ANK3: variants seen among roughly 807,000 people sequenced by gnomAD.
ANK3 encodes the protein ankyrin 3.
A neutral mutation model predicts 370.9 loss-of-function variants in ANK3; 57 were observed. That is an observed-to-expected ratio of 0.15 (90% CI 0.12 to 0.19). ANK3 has a LOEUF of 0.19. ANK3 is among the 10% of genes least tolerant of loss of function. The pLI is 1.00. For synonymous variants in ANK3, 1,929 were observed against 1,946.3 expected, an observed-to-expected ratio of 0.99 and a Z score of 0.23; for missense variants, 4,439 against 5,302.1, an observed-to-expected ratio of 0.84 and a Z score of 5.06.
rs115540226 is a variant in ANK3, at chr10:60,701,302, T to C, written c.57+31961A>G. Among the ~76,000 whole-genome samples, 443 of 152,008 alleles carry C rather than the reference T, an allele frequency of 2.9e-3. 3 individuals are homozygous for C. Among genetic ancestry groups the C allele is most frequent in the African/African-American group, 0.01 (421 of 41,484 alleles). Reference sequence around the variant, plus strand: ...ATATGTGGTCGAGAATATAAAACAGTACAGTCTCAATGAAAGGGAATTTGG... The same window carrying C: ...ATATGTGGTCGAGAATATAAAACAGCACAGTCTCAATGAAAGGGAATTTGG... On this transcript the variant is annotated intron_variant, in intron 1 of 43. Transcript: ENST00000373827.
chr10:60,226,537 C>A (rs1356897087), intron 8 of ANK3, among the ~76,000 whole-genome samples: 1 of 44,878 alleles, frequency 2.2e-5, no homozygotes, highest in Non-Finnish European at 3.6e-5. Context: ...AGTATATATA[C>A]ATAGTATATA....
intron 18 of ANK3, among the ~76,000 whole-genome samples, chr10:60,177,441 T>C (rs1031543390): frequency 6.6e-6 from 1 of 152,124 alleles, no homozygotes. Flanking sequence ...AGGAAACTCA[T>C]AGTCCTCTTT....
chr10:60,267,316 G>T (rs1350582114), intron 5 of ANK3, among the ~76,000 whole-genome samples: 1 of 152,164 alleles, frequency 6.6e-6, no homozygotes, highest in East Asian at 1.9e-4. Flanking sequence ...ATTTCCTGTT[G>T]TTGTTCTTAT....
At chr10:60,583,265 G>T (rs1031960730) in intron 2 of ANK3, among the ~76,000 whole-genome samples, 1 of 152,120 alleles carries the variant, frequency 6.6e-6, no homozygotes, top group Non-Finnish European at 1.5e-5. Flanking sequence ...CACAGAAAGA[G>T]AAATACTATG....
At chr10:60,704,523 A>AG (rs2133421770) in intron 1 of ANK3, among the ~76,000 whole-genome samples, 1 of 152,080 alleles carries the variant, frequency 6.6e-6, no homozygotes, top group South Asian at 2.1e-4. Context: ...GAAAACTCAG[A>AG]GAAAAAAAAA....
intron 17 of ANK3, 90 bp from the exon 18 acceptor site, chr10:60,181,517 T>C (rs16914582): frequency 4.9e-6 from 6 of 1,231,518 alleles, no homozygotes; most frequent in Non-Finnish European, 5.9e-6. Context: ...AATTCTAAGA[T>C]GGTAAGCCGA....
At chr10:60,371,024 T>C (rs550098007) in intron 1 of ANK3, among the ~76,000 whole-genome samples, 94 of 152,282 alleles carry the variant, frequency 6.2e-4, no homozygotes, top group African/African-American at 2.2e-3. Context: ...ATGACATCAC[T>C]GACAGGTTCT....
chr10:60,716,859 A>G (rs959765942), intron 1 of ANK3, among the ~76,000 whole-genome samples: 3 of 152,160 alleles, frequency 2.0e-5, no homozygotes, highest in Admixed American at 1.3e-4. Flanking sequence ...GGAGATTTCC[A>G]TATTCAATCT....
intron 7 of ANK3, among the ~76,000 whole-genome samples, chr10:60,256,563 T>C (rs374406063): frequency 6.6e-6 from 1 of 152,188 alleles, no homozygotes. Context: ...CACTGAAGTT[T>C]GGTGTACGAA....
intron 40 of ANK3, chr10:60,060,560 T>C (rs538691821): frequency 7.9e-5 from 12 of 152,334 alleles, no homozygotes; most frequent in Middle Eastern, 3.4e-3. Flanking sequence ...AAAACGGATT[T>C]AATCTTTGGA....
Position 60,072,881 on chromosome 10 carries a change from G to A in ANK3, c.8000C>T (p.Pro2667Leu), listed in dbSNP as rs746265993. ...CTTCTCTGGGCTGCTGGGCAGACTG[G>A]GTGCCTTCTCCTCGGCCTTGGGGAA... ...QGFPKAEEKAPSLPSSPEKMV... is the reference protein window; with the variant it reads ...QGFPKAEEKALSLPSSPEKMV... The change falls in exon 37 of 44, where the codon CCC (proline) becomes CTC (leucine). Residue 2667 changes from proline to leucine, a missense_variant. This residue lies in a region of ANK3 where 1,601 missense variants were observed against 1,731.7 expected (regional missense o/e 0.92). Coordinates refer to ENST00000280772, the MANE Select transcript of ANK3 (RefSeq NM_020987.5). 1.9e-6 allele frequency: 3 copies of A among 1,613,930 alleles called. No individual in the cohort carries two copies. In the East Asian group the frequency reaches 6.7e-5, roughly 36 times the overall value.
chr10:60,051,941 G>A (rs2078128309), intron 42 of ANK3, among the ~76,000 whole-genome samples: 3 of 152,094 alleles, frequency 2.0e-5, no homozygotes, highest in Admixed American at 6.5e-5. Context: ...CCATGAAGGT[G>A]TATACCCTTG....
chr10:60,688,133 G>A (rs1185553133), intron 1 of ANK3, among the ~76,000 whole-genome samples: 2 of 151,986 alleles, frequency 1.3e-5, no homozygotes, highest in African/African-American at 4.8e-5. Context: ...GCAGTGGCGT[G>A]GTCTCGGCTC....
chr10:60,063,434 G>C (rs2081005926), intron 39 of ANK3, among the ~76,000 whole-genome samples, 180 bp from the exon 40 acceptor site: 1 of 152,172 alleles, frequency 6.6e-6, no homozygotes, highest in African/African-American at 2.4e-5. Flanking sequence ...GAAGGTGTCA[G>C]AGTCTTAATC....
intron 2 of ANK3, among the ~76,000 whole-genome samples, chr10:60,588,533 G>C (rs977181617): frequency 6.6e-6 from 1 of 152,030 alleles, no homozygotes; most frequent in South Asian, 2.1e-4. Flanking sequence ...GCAGGAGATA[G>C]AGGCACATGA....
intron 2 of ANK3, among the ~76,000 whole-genome samples, chr10:60,441,934 G>C (rs2064309068): frequency 6.6e-6 from 1 of 151,932 alleles, no homozygotes; most frequent in Non-Finnish European, 1.5e-5. Flanking sequence ...GACACATTTT[G>C]CTTAAAATTT....
chr10:60,250,512 C>G (rs548278610), intron 7 of ANK3, among the ~76,000 whole-genome samples: 5 of 152,124 alleles, frequency 3.3e-5, no homozygotes, highest in Non-Finnish European at 5.9e-5. Flanking sequence ...CTACAGGTGC[C>G]TGCCACCACG....
intron 1 of ANK3, among the ~76,000 whole-genome samples, chr10:60,675,580 T>C (rs919937284): frequency 6.6e-6 from 1 of 152,246 alleles, no homozygotes. Flanking sequence ...ATTTTTTGAA[T>C]GAATGCAAAG....
chr10:60,553,690 T>G (rs74747915), intron 2 of ANK3, among the ~76,000 whole-genome samples: 1 of 152,134 alleles, frequency 6.6e-6, no homozygotes, highest in Admixed American at 6.6e-5. Context: ...GAGGTGCAGG[T>G]GAAAACTGAA....
Sources: gnomAD v4.1 joint callset for allele counts (sites outside exome capture counted in the v4.1 genomes callset) on GRCh38, gnomAD v4.1.1 for gene constraint, gnomAD v4.1.1 regional missense constraint, MANE v1.5 for transcripts, NCBI Gene and HGNC (gene_info 2026-07-23, HGNC 2026-07-21) for gene names.